Variants in NPHP4 observed in about 807,000 individuals in gnomAD.
The protein encoded by NPHP4 is nephrocystin-4.
A neutral mutation model predicts 155.8 loss-of-function variants in NPHP4; 151 were observed. That is an observed-to-expected ratio of 0.97 (90% CI 0.85 to 1.11). NPHP4 has a LOEUF of 1.11. Ranked by LOEUF, NPHP4 falls within the 50% of genes least tolerant of loss-of-function variation. NPHP4 has a pLI of 0.00. For missense variants in NPHP4, 1,956 were observed against 1,925.7 expected, an observed-to-expected ratio of 1.02 and a Z score of -0.29; for synonymous variants, 845 against 816.8, an observed-to-expected ratio of 1.03 and a Z score of -0.59.
chr1:5,898,170 C>T (rs1644487608), intron 16 of NPHP4, among the ~76,000 whole-genome samples: 1 of 152,192 alleles, frequency 6.6e-6, no homozygotes, highest in Non-Finnish European at 1.5e-5. Context: ...ATTACTTCAG[C>T]TCTCACACTG....
In NPHP4 at chr1:5,888,393, C is replaced by T. The variant is rs55921387; in HGVS notation, c.2305-927G>A. 1.5e-3 allele frequency: 1,647 copies of T among 1,090,996 alleles called. 8 individuals are homozygous for T. The African/African-American group carries it at 0.017, about 11-fold the overall frequency. The allele number at this position is 1,090,996 out of a possible 1,614,324, so 67.6% of individuals were successfully genotyped here. On this transcript the variant is annotated intron_variant, in intron 17 of 29. Transcript: ENST00000378156. ...AGCAGTGTGGGAGCAGATGAGGTTC[C>T]GGATTTTGTAATTCTCCAGTTTCTA...
Position 5,904,629 on chromosome 1 carries a change from T to C in NPHP4, c.2131A>G (p.Thr711Ala), listed in dbSNP as rs760858838. The change falls in exon 16 of 30, where the codon ACC becomes GCC. Residue 711 changes from threonine (T) to alanine (A), a missense_variant. Physicochemically the swap from Thr to Ala is moderately conservative, Grantham distance 58. Transcript: ENST00000378156. ...CATGAGTACTCACCAGCATCAAAGG[T>C]GCCATCTCTGCTCACAGGCACGAGG... ...HILVPVSRDG[T>A]FDAGSPGFQL... The C allele has an allele frequency of 6.2e-7, 1 of 1,608,962 alleles. No individual in the cohort carries two copies. Among genetic ancestry groups the C allele is most frequent in the Non-Finnish European group, 8.5e-7 (1 of 1,176,338 alleles).
intron 16 of NPHP4, among the ~76,000 whole-genome samples, chr1:5,895,354 G>C (rs1402701161): frequency 6.6e-6 from 1 of 151,816 alleles, no homozygotes; most frequent in Non-Finnish European, 1.5e-5. Flanking sequence ...ACAAAAATTA[G>C]CTGGGCATGG....
chr1:5,910,948 C>T lies in NPHP4; in HGVS notation c.1442-1735G>A, dbSNP rs1204340006. On this transcript the variant is annotated intron_variant, in intron 11 of 29. Coordinates refer to ENST00000378156, the MANE Select transcript of NPHP4 (RefSeq NM_015102.5). The surrounding 1 kb of genome is among the most constrained non-coding windows in gnomAD (Gnocchi z 5.4). ...ACTGCCCAGCCTGGCGGGCACAGCT[C>T]CCAGTCCAACTACCTCCTGGGCAGC... Among the ~76,000 whole-genome samples the T allele has an allele frequency of 6.6e-6, 1 of 152,214 alleles. No homozygotes were observed. Among genetic ancestry groups the T allele is most frequent in the African/African-American group, 2.4e-5 (1 of 41,452 alleles).
chr1:5,869,973 T>C (rs1641831559), intron 23 of NPHP4, among the ~76,000 whole-genome samples: 1 of 152,242 alleles, frequency 6.6e-6, no homozygotes, highest in African/African-American at 2.4e-5. Context: ...CACATATCTA[T>C]ACATCATATA....
At chr1:5,947,026 C>G (rs1314719386) in intron 9 of NPHP4, 78 bp downstream of exon 9, 1 of 1,469,558 alleles carries the variant, frequency 6.8e-7, no homozygotes, top group Non-Finnish European at 9.5e-7. Context: ...ATGGAAAAAG[C>G]ATTCATGCCC....
chr1:5,939,137 G>A (rs1021562027), intron 9 of NPHP4, among the ~76,000 whole-genome samples: 3 of 152,094 alleles, frequency 2.0e-5, no homozygotes, highest in Non-Finnish European at 2.9e-5. Flanking sequence ...CAGTATTCTC[G>A]GGGCAAACTG....
intron 11 of NPHP4, among the ~76,000 whole-genome samples, chr1:5,924,432 C>T (rs1645894457): frequency 6.6e-6 from 1 of 151,958 alleles, no homozygotes; most frequent in South Asian, 2.1e-4. Context: ...TCATTCTGGG[C>T]AAGCAGAGGC....
At chr1:5,969,469 C>T (rs916144978) in intron 3 of NPHP4, among the ~76,000 whole-genome samples, 1 of 152,152 alleles carries the variant, frequency 6.6e-6, no homozygotes, top group African/African-American at 2.4e-5. Flanking sequence ...ATGTTGGTGT[C>T]GGAGCTCTTT....
At chr1:5,873,535 C>T (rs1319350208) in intron 22 of NPHP4, 200 bp from the exon 23 acceptor site, 4 of 606,438 alleles carry the variant, frequency 6.6e-6, no homozygotes, top group Non-Finnish European at 1.2e-5. Context: ...AACAGCAGAT[C>T]CCAGGTGGAA....
chr1:5,887,918 GCA>G (rs913794136), intron 17 of NPHP4, among the ~76,000 whole-genome samples: 2 of 152,240 alleles, frequency 1.3e-5, no homozygotes, highest in African/African-American at 4.8e-5. Flanking sequence ...GACAGGCCAT[GCA>G]CAGAGAGGGC....
chr1:5,951,830 C>T (rs974871060), intron 7 of NPHP4, among the ~76,000 whole-genome samples: 1 of 152,208 alleles, frequency 6.6e-6, no homozygotes, highest in Non-Finnish European at 1.5e-5. Flanking sequence ...TCAGAGGTGA[C>T]AGGAGCTCTA....
chr1:5,866,699 C>T (rs2100442844), intron 25 of NPHP4, among the ~76,000 whole-genome samples: 1 of 152,310 alleles, frequency 6.6e-6, no homozygotes, highest in African/African-American at 2.4e-5. Context: ...ATCCGGTTTC[C>T]TAACTGGTCA....
At chr1:5,877,539 T>C in intron 19 of NPHP4, 1 of 376,938 alleles carries the variant, frequency 2.7e-6, no homozygotes, top group Non-Finnish European at 4.6e-6. Flanking sequence ...ATTCTGACTC[T>C]GGCCCTTAGA....
intron 16 of NPHP4, among the ~76,000 whole-genome samples, chr1:5,899,856 T>A (rs1644584700): frequency 6.6e-6 from 1 of 152,134 alleles, no homozygotes; most frequent in Non-Finnish European, 1.5e-5. Flanking sequence ...AAAATACGTA[T>A]CTGATAAAGG....
chr1:5,900,392 T>A (rs1315359870), intron 16 of NPHP4, among the ~76,000 whole-genome samples: 1 of 152,046 alleles, frequency 6.6e-6, no homozygotes, highest in Non-Finnish European at 1.5e-5. Flanking sequence ...AATACGTGAG[T>A]GAGCGAGACA....
intron 3 of NPHP4, among the ~76,000 whole-genome samples, chr1:5,973,926 T>C (rs1265463328): frequency 6.6e-6 from 1 of 152,202 alleles, no homozygotes; most frequent in Admixed American, 6.5e-5. Flanking sequence ...AGCCAGCTTC[T>C]TGCTTTTGTT....
chr1:5,944,109 A>G lies in NPHP4; in HGVS notation c.1119+2995T>C, dbSNP rs1313836121. Among the ~76,000 whole-genome samples, 1 of 152,268 alleles carries G rather than the reference A, an allele frequency of 6.6e-6. No homozygotes were observed. Among genetic ancestry groups the G allele is most frequent in the Non-Finnish European group, 1.5e-5 (1 of 68,046 alleles). On this transcript the variant is annotated intron_variant, in intron 9 of 29. Transcript: ENST00000378156. This position sits in a 1 kb window ranked among gnomAD's most constrained non-coding sequence, Gnocchi z 4.3. The stretch of plus-strand genomic sequence containing the variant: ...AATGATGCCTGGAATTTGTTTCAGA[A>G]TAATTCAAAACGGGTTGTGGGAGAG...
chr1:5,927,429 C>G (rs1038288728), intron 11 of NPHP4, among the ~76,000 whole-genome samples: 2 of 152,192 alleles, frequency 1.3e-5, no homozygotes, highest in African/African-American at 4.8e-5. Context: ...TGAGCTGACT[C>G]TGGGCTGAAG....
Sources: gnomAD v4.1 joint callset for allele counts (sites outside exome capture counted in the v4.1 genomes callset) on GRCh38, gnomAD v4.1.1 for gene constraint, Gnocchi (gnomAD v3.1) non-coding constraint, MANE v1.5 for transcripts, NCBI Gene and HGNC (gene_info 2026-07-23, HGNC 2026-07-21) for gene names.